MFAP3L: variants seen among roughly 807,000 people sequenced by gnomAD.
The protein encoded by MFAP3L is microfibril associated protein 3 like.
Under a neutral mutation model 20.0 loss-of-function variants are expected in MFAP3L, and 5 were observed. The observed-to-expected ratio is 0.25, with a 90% CI of 0.13 to 0.53. The LOEUF (loss-of-function observed/expected upper bound fraction) is 0.53. MFAP3L is among the 20% of genes least tolerant of loss of function. The pLI, the probability that MFAP3L is intolerant of heterozygous loss-of-function variation, is 0.96. For synonymous variants in MFAP3L, 219 were observed against 213.0 expected, an observed-to-expected ratio of 1.03 and a Z score of -0.25; for missense variants, 409 against 527.5, an observed-to-expected ratio of 0.78 and a Z score of 2.20.
chr4:170,023,584 A>G (rs761452606), intron 1 of MFAP3L, among the ~76,000 whole-genome samples: 4 of 152,254 alleles, frequency 2.6e-5, no homozygotes, highest in Non-Finnish European at 5.9e-5. Flanking sequence ...GTGATATGCC[A>G]TAGATTGAAA....
chr4:170,016,709 A>G (rs556926678), intron 1 of MFAP3L, among the ~76,000 whole-genome samples: 1 of 152,358 alleles, frequency 6.6e-6, no homozygotes, highest in Admixed American at 6.5e-5. Context: ...TTCTACTTAT[A>G]TGCCCTCTAA....
At chr4:170,021,974 T>C (rs1175909872) in intron 1 of MFAP3L, among the ~76,000 whole-genome samples, 2 of 152,116 alleles carry the variant, frequency 1.3e-5, no homozygotes, top group Admixed American at 1.3e-4. Flanking sequence ...CTGGTCAGAG[T>C]TGGCCCATGT....
Position 169,994,554 on chromosome 4 carries a change from C to CT in MFAP3L, c.299-2246dup, listed in dbSNP as rs1202294593. 1.4e-5 allele frequency: 14 copies of CT among 973,682 alleles called. No homozygotes were observed. In the African/African-American group the frequency reaches 1.8e-4, roughly 12 times the overall value. The allele number at this position is 973,682 out of a possible 1,614,324, so 60.3% of individuals were successfully genotyped here. On this transcript the variant is annotated intron_variant, in intron 2 of 2. Transcript: ENST00000361618. ...ATTTAAAAATGTTTCTGAACGTGAA[C>CT]TTTGAGTTTTCAGATATGATTTTAA...
intron 2 of MFAP3L, chr4:170,002,210 T>C: frequency 1.0e-6 from 1 of 985,210 alleles, no homozygotes; most frequent in Non-Finnish European, 1.2e-6. Flanking sequence ...CTCTTCAACA[T>C]TTTTCACCTA....
intron 1 of MFAP3L, among the ~76,000 whole-genome samples, chr4:170,025,236 T>C (rs2111091786): frequency 6.6e-6 from 1 of 152,348 alleles, no homozygotes; most frequent in East Asian, 1.9e-4. Context: ...ATCTTGTATT[T>C]CATCTTGAAG....
At chr4:170,016,520 G>A (rs143202307) in intron 1 of MFAP3L, among the ~76,000 whole-genome samples, 12 of 152,048 alleles carry the variant, frequency 7.9e-5, no homozygotes, top group South Asian at 2.1e-4. Flanking sequence ...TACCTACCTC[G>A]ACCCTGCCTT....
intron 2 of MFAP3L, chr4:170,001,905 A>G (rs1738649593): frequency 2.0e-6 from 2 of 984,560 alleles, no homozygotes; most frequent in African/African-American, 3.5e-5. Context: ...TGCCAATGAC[A>G]GGAAATAGCC....
chr4:170,018,832 C>G (rs1739858127), intron 1 of MFAP3L, among the ~76,000 whole-genome samples: 1 of 152,188 alleles, frequency 6.6e-6, no homozygotes, highest in South Asian at 2.1e-4. Context: ...GGGCTGCCAG[C>G]AGAAATGGCA....
At position 170,005,623 on chromosome 4, in the gene MFAP3L, G is replaced by A; in HGVS notation, c.255C>T (p.Gly85=). The change falls in exon 2 of 3, where the codon GGC becomes GGT. Residue 85 remains glycine (G), a synonymous_variant. Transcript: ENST00000361618. The part of the protein sequence containing the change: ...DPQFKWYNSI[G]KLLKEEEDEK... The stretch of plus-strand genomic sequence containing the variant: ...CATCCTCTTCTTCTTTCAGCAGCTT[G>A]CCAATGGAATTATACCACTTGAACT... The A allele has an allele frequency of 6.2e-7, 1 of 1,614,138 alleles. No homozygotes were observed. Among genetic ancestry groups the A allele is most frequent in the East Asian group, 2.2e-5 (1 of 44,882 alleles).
intron 2 of MFAP3L, chr4:169,997,696 G>T (rs943887348): frequency 1.3e-5 from 13 of 985,072 alleles, no homozygotes; most frequent in African/African-American, 1.7e-5. Context: ...GCCTGGCTGG[G>T]TAGGTATAAG....
Position 169,991,355 on chromosome 4 carries a change from T to G in MFAP3L, c.*23A>C. ...GGAGCAGCCCCTGATTTTCTTGATA[T>G]GCATAGCTTTTCGGGGTTGGTATTA... On this transcript the variant is annotated 3_prime_UTR_variant, in exon 3 of 3. Transcript: ENST00000361618. This position sits in a 1 kb window ranked among gnomAD's most constrained non-coding sequence, Gnocchi z 4.9. The G allele has an allele frequency of 6.2e-7, 1 of 1,601,376 alleles. No individual in the cohort carries two copies. The highest frequency in any genetic ancestry group is 8.5e-7 in the Non-Finnish European group (1 of 1,173,008).
At chr4:169,994,808 G>A (rs1045564563) in intron 2 of MFAP3L, among the ~76,000 whole-genome samples, 1 of 152,072 alleles carries the variant, frequency 6.6e-6, no homozygotes, top group Non-Finnish European at 1.5e-5. Context: ...CAGCACATTG[G>A]GTCCACAGAC....
chr4:170,026,090 C>G, intron 1 of MFAP3L, 144 bp downstream of exon 1: 2 of 328,006 alleles, frequency 6.1e-6, no homozygotes, highest in Non-Finnish European at 8.7e-6. Context: ...TGCGGCGTCT[C>G]GCAGCGCAGC....
At chr4:170,011,107 A>C (rs747018637) in intron 1 of MFAP3L, among the ~76,000 whole-genome samples, 2 of 152,166 alleles carry the variant, frequency 1.3e-5, no homozygotes, top group Non-Finnish European at 2.9e-5. Flanking sequence ...GCCGTGTAAG[A>C]CATGCCTTTG....
At chr4:170,007,653 A>G (rs1203173382) in intron 1 of MFAP3L, among the ~76,000 whole-genome samples, 1 of 152,220 alleles carries the variant, frequency 6.6e-6, no homozygotes, top group Non-Finnish European at 1.5e-5. Flanking sequence ...AGTTTTGCTT[A>G]AAACGTTATT....
In MFAP3L at chr4:169,991,031, A is replaced by G; in HGVS notation, c.*347T>C. The G allele has an allele frequency of 3.8e-6, 1 of 265,954 alleles. No homozygotes were observed. 16.5% of individuals were successfully genotyped at this position (265,954 alleles called of 1,614,324 possible). On this transcript the variant is annotated 3_prime_UTR_variant, in exon 3 of 3. Transcript: ENST00000361618. The surrounding 1 kb of genome is among the most constrained non-coding windows in gnomAD (Gnocchi z 4.9). ...TAAAAGGAAAAGCAATGCAGGGGGCACTGGACAGGGTTCTTGAACTCAGAA... is the reference window on the plus strand; with the variant it reads ...TAAAAGGAAAAGCAATGCAGGGGGCGCTGGACAGGGTTCTTGAACTCAGAA...
intron 2 of MFAP3L, among the ~76,000 whole-genome samples, chr4:170,004,358 G>C (rs993025427): frequency 6.6e-6 from 1 of 152,186 alleles, no homozygotes; most frequent in Admixed American, 6.5e-5. Context: ...AATTCCTCTT[G>C]GTGGGTAAAA....
At chr4:170,002,699 AG>A (rs1293152106) in intron 2 of MFAP3L, among the ~76,000 whole-genome samples, 1 of 151,894 alleles carries the variant, frequency 6.6e-6, no homozygotes, top group Non-Finnish European at 1.5e-5. Context: ...TAGCAGAGAC[AG>A]GGTTTCACCA....
At chr4:170,017,664 A>G (rs991912034) in intron 1 of MFAP3L, among the ~76,000 whole-genome samples, 1 of 152,340 alleles carries the variant, frequency 6.6e-6, no homozygotes, top group Admixed American at 6.5e-5. Context: ...TCATAAAAGC[A>G]ATATTTTTCA....
Sources: allele counts gnomAD v4.1 joint callset (sites outside exome capture counted in the v4.1 genomes callset), GRCh38; gene constraint gnomAD v4.1.1; non-coding constraint Gnocchi (gnomAD v3.1); transcripts MANE v1.5; gene names NCBI Gene and HGNC (gene_info 2026-07-23, HGNC 2026-07-21).